The following ARB2A variants were observed in gnomAD, a reference collection of about 807,000 sequenced individuals.
ARB2A encodes the protein ARB2 cotranscriptional regulator A.
the ARB2A span, among the ~76,000 whole-genome samples, chr5:93,760,441 C>A: frequency 6.6e-6 from 1 of 152,080 alleles, no homozygotes; most frequent in Non-Finnish European, 1.5e-5. Flanking sequence ...CCTGCATAGC[C>A]AAAGCAAGAC....
At chr5:93,945,362 C>T in the ARB2A span, among the ~76,000 whole-genome samples, 1 of 149,022 alleles carries the variant, frequency 6.7e-6, no homozygotes, top group Non-Finnish European at 1.5e-5. Context: ...TTGCAGTGAG[C>T]TGAGATTGCG....
At chr5:93,871,437 A>G in the ARB2A span, among the ~76,000 whole-genome samples, 1 of 152,228 alleles carries the variant, frequency 6.6e-6, no homozygotes, top group Non-Finnish European at 1.5e-5. Flanking sequence ...ACTTTAAGAA[A>G]TAACTTCCTT....
At chr5:93,968,592 C>T in the ARB2A span, among the ~76,000 whole-genome samples, 1 of 151,856 alleles carries the variant, frequency 6.6e-6, no homozygotes, top group East Asian at 1.9e-4. Context: ...CAAGGTGTAA[C>T]TTATGCATAA....
chr5:94,046,834 C>G, the ARB2A span, among the ~76,000 whole-genome samples: 2 of 152,100 alleles, frequency 1.3e-5, no homozygotes, highest in African/African-American at 4.8e-5. Context: ...TGCATTAAGT[C>G]CCACTATCAT....
the ARB2A span, among the ~76,000 whole-genome samples, chr5:94,020,319 A>C: frequency 1.3e-5 from 2 of 152,124 alleles, no homozygotes; most frequent in Non-Finnish European, 2.9e-5. Context: ...AGAAATAACT[A>C]ATGCAGATGA....
chr5:93,984,314 T>C, the ARB2A span, among the ~76,000 whole-genome samples: 1 of 152,198 alleles, frequency 6.6e-6, no homozygotes, highest in African/African-American at 2.4e-5. Context: ...TTCATATTTC[T>C]AGTTCAGATG....
the ARB2A span, among the ~76,000 whole-genome samples, chr5:93,830,484 T>C: frequency 6.6e-6 from 1 of 151,580 alleles, no homozygotes; most frequent in South Asian, 2.1e-4. Flanking sequence ...TCAGAAGCAG[T>C]AGTGTGTGAG....
chr5:94,091,293 T>A, the ARB2A span, among the ~76,000 whole-genome samples: 1 of 152,228 alleles, frequency 6.6e-6, no homozygotes, highest in Non-Finnish European at 1.5e-5. Context: ...GCAGTATTCC[T>A]AATACAAATA....
chr5:93,830,343 A>G, the ARB2A span, among the ~76,000 whole-genome samples: 4 of 141,632 alleles, frequency 2.8e-5, no homozygotes, highest in African/African-American at 5.2e-5. Context: ...ATATATATAT[A>G]TATATATATC....
the ARB2A span, among the ~76,000 whole-genome samples, chr5:93,972,135 A>G: frequency 6.6e-6 from 1 of 152,116 alleles, no homozygotes; most frequent in Non-Finnish European, 1.5e-5. Flanking sequence ...CTTCACCCCT[A>G]CTGAAGGTGA....
chr5:93,660,292 AGG>A, the ARB2A span, among the ~76,000 whole-genome samples: 1 of 152,232 alleles, frequency 6.6e-6, no homozygotes. Flanking sequence ...TCGTGGAGGC[AGG>A]ATTTGAACCT....
At chr5:93,983,466 A>G in the ARB2A span, among the ~76,000 whole-genome samples, 6 of 152,166 alleles carry the variant, frequency 3.9e-5, no homozygotes, top group Non-Finnish European at 8.8e-5. Context: ...GCAATAGATC[A>G]TATCACCTTT....
chr5:93,682,950 C>A, the ARB2A span: 2 of 1,582,700 alleles, frequency 1.3e-6, no homozygotes, highest in Non-Finnish European at 1.7e-6. Context: ...AGAGAACCAC[C>A]TTTTTCTATA....
the ARB2A span, among the ~76,000 whole-genome samples, chr5:93,699,994 G>A: frequency 6.6e-6 from 1 of 151,966 alleles, no homozygotes; most frequent in Non-Finnish European, 1.5e-5. Context: ...ATCTGGTGAG[G>A]AAATAACATT....
chr5:94,048,386 C>T, the ARB2A span, among the ~76,000 whole-genome samples: 5 of 151,982 alleles, frequency 3.3e-5, no homozygotes, highest in East Asian at 1.9e-4. Context: ...GCAGAAATTA[C>T]TCAGGGCATT....
chr5:93,979,137 T>C, the ARB2A span, among the ~76,000 whole-genome samples: 4 of 152,120 alleles, frequency 2.6e-5, no homozygotes, highest in Admixed American at 6.5e-5. Context: ...TAAAATAATA[T>C]GTATCAGTAA....
At chr5:93,775,127 C>G in the ARB2A span, among the ~76,000 whole-genome samples, 1 of 151,752 alleles carries the variant, frequency 6.6e-6, no homozygotes, top group Non-Finnish European at 1.5e-5. Context: ...GGCTTATAGA[C>G]TTATAAAATT....
chr5:94,105,487 A>C, the ARB2A span, among the ~76,000 whole-genome samples: 2 of 151,758 alleles, frequency 1.3e-5, no homozygotes, highest in Non-Finnish European at 3.0e-5. Flanking sequence ...AATCGGAAAC[A>C]ACACAAATGG....
the ARB2A span, among the ~76,000 whole-genome samples, chr5:93,902,751 G>A: frequency 6.6e-6 from 1 of 152,010 alleles, no homozygotes; most frequent in Admixed American, 6.6e-5. Context: ...TGTATGATTA[G>A]CTACTCTTTT....
Sources: gnomAD v4.1 joint callset for allele counts (sites outside exome capture counted in the v4.1 genomes callset) on GRCh38, gnomAD v4.1.1 for gene constraint, MANE v1.5 for transcripts, NCBI Gene and HGNC (gene_info 2026-07-23, HGNC 2026-07-21) for gene names.